The following SUCLG2 variants were observed in gnomAD, a reference collection of about 807,000 sequenced individuals.
SUCLG2 encodes the protein succinate-CoA ligase GDP-forming subunit beta.
A neutral mutation model predicts 47.9 loss-of-function variants in SUCLG2; 42 were observed. The observed-to-expected ratio is 0.88, with a 90% CI of 0.69 to 1.14. The LOEUF (loss-of-function observed/expected upper bound fraction) is 1.14, where lower values mean the gene tolerates loss of function less well. Among genes scored for constraint, SUCLG2 ranks in the 50% most tolerant of loss-of-function variants. The pLI, the probability that SUCLG2 is intolerant of heterozygous loss-of-function variation, is 0.00. For missense variants in SUCLG2, 571 were observed against 525.9 expected (o/e 1.09, Z -0.84); for synonymous variants, 195 against 197.3 (o/e 0.99, Z 0.10).
At chr3:67,611,849 C>T (rs888976007) in intron 1 of SUCLG2, among the ~76,000 whole-genome samples, 1 of 152,146 alleles carries the variant, frequency 6.6e-6, no homozygotes, top group Admixed American at 6.6e-5. Context: ...ACTGTTTCCA[C>T]ACTGACTCAA....
chr3:67,478,187 C>T (rs1704817163), intron 9 of SUCLG2, among the ~76,000 whole-genome samples: 1 of 152,188 alleles, frequency 6.6e-6, no homozygotes, highest in Admixed American at 6.5e-5. Context: ...CCGCCCCTTC[C>T]ATATAAATGA....
At chr3:67,640,254 C>T (rs556915024) in intron 1 of SUCLG2, among the ~76,000 whole-genome samples, 6 of 152,276 alleles carry the variant, frequency 3.9e-5, no homozygotes, top group Admixed American at 6.5e-5. Flanking sequence ...GGATGTGTCC[C>T]GTGCTCTGGG....
intron 1 of SUCLG2, among the ~76,000 whole-genome samples, chr3:67,624,986 G>T (rs56784803): frequency 0.021 from 3,253 of 152,242 alleles, 119 homozygotes; most frequent in African/African-American, 0.074. Flanking sequence ...AGCAGCAAAG[G>T]AAACAATATC....
At chr3:67,524,603 T>C (rs1222660085) in intron 4 of SUCLG2, among the ~76,000 whole-genome samples, 1 of 152,322 alleles carries the variant, frequency 6.6e-6, no homozygotes, top group African/African-American at 2.4e-5. Flanking sequence ...TGTGTTTAAA[T>C]AGCTTCTGAA....
At chr3:67,415,967 C>T (rs946065344) in intron 9 of SUCLG2, among the ~76,000 whole-genome samples, 3 of 152,216 alleles carry the variant, frequency 2.0e-5, no homozygotes, top group South Asian at 2.1e-4. Context: ...AGCCAACTGC[C>T]AAGCCATAAG....
intron 2 of SUCLG2, among the ~76,000 whole-genome samples, chr3:67,585,977 A>C (rs1325384312): frequency 2.4e-4 from 21 of 86,260 alleles, no homozygotes; most frequent in African/African-American, 6.3e-4. Context: ...AAAAAAAAAA[A>C]AAAAAAAAAA....
At chr3:67,378,083 G>C (rs904528052) in intron 10 of SUCLG2, among the ~76,000 whole-genome samples, 3 of 152,180 alleles carry the variant, frequency 2.0e-5, no homozygotes, top group African/African-American at 7.2e-5. Context: ...ATAATGTTAA[G>C]ACTCTGAAAT....
At chr3:67,588,767 C>T (rs1708085579) in intron 2 of SUCLG2, among the ~76,000 whole-genome samples, 1 of 152,118 alleles carries the variant, frequency 6.6e-6, no homozygotes, top group African/African-American at 2.4e-5. Flanking sequence ...AAAATGTCTA[C>T]AAAATATATT....
At chr3:67,512,918 T>C (rs910120372) in intron 6 of SUCLG2, among the ~76,000 whole-genome samples, 7 of 150,536 alleles carry the variant, frequency 4.7e-5, no homozygotes, top group African/African-American at 1.5e-4. Context: ...CACACCCCCC[T>C]CTATATATAC....
chr3:67,505,791 G>A (rs763865218), intron 7 of SUCLG2, among the ~76,000 whole-genome samples: 16 of 151,918 alleles, frequency 1.1e-4, no homozygotes, highest in South Asian at 2.1e-4. Context: ...GTGAAACCCC[G>A]TCTCTACTAA....
At chr3:67,495,704 T>C (rs575098324) in intron 9 of SUCLG2, 94 bp downstream of exon 9, 59 of 1,451,586 alleles carry the variant, frequency 4.1e-5, no homozygotes, top group South Asian at 3.0e-4. Context: ...AGTACACATA[T>C]TGACTTATCA....
chr3:67,599,469 G>C (rs1035170706), intron 2 of SUCLG2, among the ~76,000 whole-genome samples: 37 of 152,194 alleles, frequency 2.4e-4, no homozygotes, highest in African/African-American at 8.2e-4. Context: ...GAGCAAGAGT[G>C]TCTCAACGGG....
intron 2 of SUCLG2, among the ~76,000 whole-genome samples, chr3:67,591,332 G>C (rs1358982134): frequency 6.6e-6 from 1 of 152,194 alleles, no homozygotes; most frequent in Admixed American, 6.5e-5. Flanking sequence ...TGCAGGGCAA[G>C]GGAAAACAGA....
chr3:67,404,506 A>C (rs1702758774), intron 9 of SUCLG2, among the ~76,000 whole-genome samples: 2 of 152,262 alleles, frequency 1.3e-5, no homozygotes, highest in South Asian at 4.1e-4. Flanking sequence ...AGATTTCTAC[A>C]AGAAGAGCAA....
chr3:67,523,628 C>T (rs1706179260), intron 4 of SUCLG2, among the ~76,000 whole-genome samples: 1 of 152,186 alleles, frequency 6.6e-6, no homozygotes, highest in South Asian at 2.1e-4. Context: ...CCTTTCTAAG[C>T]ATCAACATTA....
At chr3:67,528,872 C>G (rs1393104649) in intron 3 of SUCLG2, among the ~76,000 whole-genome samples, 1 of 152,138 alleles carries the variant, frequency 6.6e-6, no homozygotes. Context: ...GAAGGACTGT[C>G]AAGTTTTCAC....
intron 10 of SUCLG2, among the ~76,000 whole-genome samples, chr3:67,382,762 C>G (rs373186910): frequency 1.3e-5 from 2 of 152,178 alleles, no homozygotes; most frequent in East Asian, 1.9e-4. Context: ...GTGGCACAGA[C>G]AGCATGGCCT....
intron 2 of SUCLG2, among the ~76,000 whole-genome samples, chr3:67,567,994 A>C (rs1217945008): frequency 6.6e-6 from 1 of 152,242 alleles, no homozygotes; most frequent in Non-Finnish European, 1.5e-5. Flanking sequence ...AGCTCTCTTA[A>C]GAATGGCTGC....
intron 9 of SUCLG2, among the ~76,000 whole-genome samples, chr3:67,481,943 C>T (rs529428379): frequency 1.1e-4 from 16 of 152,302 alleles, no homozygotes; most frequent in African/African-American, 3.4e-4. Context: ...CTTTGTGAGG[C>T]CGAGGCGGGC....
Sources: allele counts gnomAD v4.1 joint callset (sites outside exome capture counted in the v4.1 genomes callset), GRCh38; gene constraint gnomAD v4.1.1; transcripts MANE v1.5; gene names NCBI Gene and HGNC (gene_info 2026-07-23, HGNC 2026-07-21).